The following MTMR10 variants were observed in gnomAD, a reference collection of about 807,000 sequenced individuals.
MTMR10 encodes myotubularin related protein 10, also known as myotubularin-related protein 10.
MTMR10 carries 56 observed loss-of-function variants against 88.1 expected under a neutral mutation model. The ratio of observed to expected loss-of-function variants is 0.64; its 90% confidence interval spans 0.51 to 0.79. The LOEUF is 0.79. Ranked by LOEUF, MTMR10 falls within the 30% of genes least tolerant of loss-of-function variation. MTMR10 has a pLI of 0.00. For missense variants in MTMR10, 883 were observed against 924.7 expected (o/e 0.95, Z 0.58); for synonymous variants, 380 against 340.9 (o/e 1.11, Z -1.26).
chr15:30,952,003 A>G lies in MTMR10; in HGVS notation c.1172T>C (p.Met391Thr). The change falls in exon 12 of 16, where the codon ATG (methionine) becomes ACG (threonine). Residue 391 changes from methionine to threonine, a missense_variant. Met to Thr is a moderately conservative substitution (Grantham distance 81). Coordinates refer to ENST00000435680, the MANE Select transcript of MTMR10 (RefSeq NM_017762.3). ...FLKHSAELVY[M>T]LESKHLSVVL... is the part of the protein sequence containing the mutation. ...TACAGAGAGATGTTTGCTTTCTAGC[A>G]TGTATACAAGTTCTGCTGAATGCTT... 1.2e-6 allele frequency: 2 copies of G among 1,613,906 alleles called. No homozygotes were observed. Among genetic ancestry groups the G allele is most frequent in the Non-Finnish European group, 1.7e-6 (2 of 1,179,782 alleles).
chr15:30,931,921 G>GAA, the MTMR10 span, among the ~76,000 whole-genome samples: 3 of 147,478 alleles, frequency 2.0e-5, no homozygotes, highest in African/African-American at 7.5e-5. Context: ...AAGTTTCCAA[G>GAA]AAAAAAAAAA....
At chr15:30,921,745 C>T in the MTMR10 span, among the ~76,000 whole-genome samples, 8 of 152,242 alleles carry the variant, frequency 5.3e-5, 1 homozygote, top group South Asian at 1.5e-3. Flanking sequence ...ACAGAATGAC[C>T]GAACAGTCTG....
chr15:30,931,924 A>G, the MTMR10 span, among the ~76,000 whole-genome samples: 480 of 151,866 alleles, frequency 3.2e-3, 1 homozygote, highest in African/African-American at 0.01. Flanking sequence ...TTTCCAAGAA[A>G]AAAAAAAGCC....
At chr15:30,983,031 C>T (rs764459739) in intron 2 of MTMR10, among the ~76,000 whole-genome samples, 1 of 152,204 alleles carries the variant, frequency 6.6e-6, no homozygotes, top group South Asian at 2.1e-4. Flanking sequence ...CGAATAAAAG[C>T]TTCAAAGCTC....
intron 2 of MTMR10, among the ~76,000 whole-genome samples, chr15:30,989,597 T>TC (rs1217979811): frequency 2.6e-5 from 4 of 151,972 alleles, no homozygotes; most frequent in African/African-American, 9.6e-5. Context: ...TTTTTTTTTT[T>TC]TTTGAGACGG....
downstream of MTMR10, among the ~76,000 whole-genome samples, chr15:30,936,202 T>C (rs1398313617): frequency 6.6e-6 from 1 of 152,180 alleles, no homozygotes; most frequent in East Asian, 1.9e-4. Context: ...GTAGTATATA[T>C]TTTTATCTTA....
chr15:30,958,751 G>T, intron 9 of MTMR10, 112 bp downstream of exon 9: 2 of 1,086,310 alleles, frequency 1.8e-6, no homozygotes, highest in Non-Finnish European at 2.8e-6. Context: ...AAAACATGGT[G>T]CTAACTAATT....
At chr15:30,937,081 A>T (rs1450805348), downstream of MTMR10, 1 of 1,577,518 alleles carries the variant, frequency 6.3e-7, no homozygotes, top group Non-Finnish European at 8.7e-7. Context: ...TTCATTCAGT[A>T]AGATACTAAT....
chr15:30,922,180 T>C, the MTMR10 span: 11 of 1,585,266 alleles, frequency 6.9e-6, no homozygotes, highest in Non-Finnish European at 8.6e-6. Context: ...GTAAATATCA[T>C]TGCAGCTGGA....
intron 9 of MTMR10, 108 bp from the exon 10 acceptor site, chr15:30,955,001 C>G: frequency 1.1e-6 from 1 of 952,244 alleles, no homozygotes; most frequent in Non-Finnish European, 1.4e-6. Flanking sequence ...CAGGTAAGGT[C>G]TCTGCCTTCA....
the MTMR10 span, among the ~76,000 whole-genome samples, chr15:30,932,221 C>CAAAAAAAAA: frequency 8.1e-5 from 4 of 49,504 alleles, 1 homozygote; most frequent in Non-Finnish European, 1.8e-4. Flanking sequence ...GACTCCATCT[C>CAAAAAAAAA]AAAAAAAAAA....
At chr15:30,957,224 C>T (rs577850794) in intron 9 of MTMR10, among the ~76,000 whole-genome samples, 5 of 152,096 alleles carry the variant, frequency 3.3e-5, no homozygotes, top group East Asian at 1.9e-4. Context: ...AAATATATAA[C>T]GGTGTGCAAA....
intron 6 of MTMR10, among the ~76,000 whole-genome samples, chr15:30,963,674 T>TAGACAGAC: frequency 6.7e-6 from 1 of 148,380 alleles, no homozygotes; most frequent in Non-Finnish European, 1.5e-5. Flanking sequence ...GACAGACAGA[T>TAGACAGAC]AGATAGATAG....
At chr15:30,991,379 G>C (rs2031317038) in intron 1 of MTMR10, 68 bp downstream of exon 1, 1 of 1,373,086 alleles carries the variant, frequency 7.3e-7, no homozygotes, top group Non-Finnish European at 9.6e-7. Flanking sequence ...CCAGTTCCCG[G>C]GGGTCGGCCT....
chr15:30,980,511 G>A (rs2030494872), intron 2 of MTMR10, among the ~76,000 whole-genome samples: 1 of 152,182 alleles, frequency 6.6e-6, no homozygotes, highest in African/African-American at 2.4e-5. Context: ...CACCTGGGTT[G>A]GTACATGTGT....
intron 2 of MTMR10, 76 bp downstream of exon 2, chr15:30,990,701 T>C: frequency 1.6e-6 from 2 of 1,240,418 alleles, no homozygotes; most frequent in Non-Finnish European, 2.3e-6. Context: ...GTTAACCACA[T>C]GATACTAGTC....
At chr15:30,963,941 G>A (rs1289390124) in intron 6 of MTMR10, among the ~76,000 whole-genome samples, 9 of 151,572 alleles carry the variant, frequency 5.9e-5, no homozygotes, top group African/African-American at 1.9e-4. Context: ...CATTAAACAC[G>A]AAAAAGGCTA....
At chr15:30,961,561 T>A (rs1275632634) in intron 6 of MTMR10, among the ~76,000 whole-genome samples, 1 of 151,932 alleles carries the variant, frequency 6.6e-6, no homozygotes, top group East Asian at 1.9e-4. Context: ...TCATTTAGTC[T>A]TGTCCTTATC....
Position 30,940,494 on chromosome 15 carries a change from T to A in MTMR10, c.*976A>T. The A allele has an allele frequency of 1.0e-6, 1 of 985,458 alleles. No individual in the cohort carries two copies. The highest frequency in any genetic ancestry group is 1.2e-6 in the Non-Finnish European group (1 of 829,950). 61.0% of individuals were successfully genotyped at this position (985,458 alleles called of 1,614,324 possible). ...GTGCCCAACTCGTAACCTCATTAGT[T>A]ATTTCCAGGGGGAAGTGCCAGCAAT... is the stretch of plus-strand genomic sequence containing the variant. On this transcript the variant is annotated 3_prime_UTR_variant, in exon 16 of 16. Transcript: ENST00000435680.
Sources: allele counts gnomAD v4.1 joint callset (sites outside exome capture counted in the v4.1 genomes callset), GRCh38; gene constraint gnomAD v4.1.1; transcripts MANE v1.5; gene names NCBI Gene and HGNC (gene_info 2026-07-23, HGNC 2026-07-21).